Variants in PDZD2 observed in about 807,000 individuals in gnomAD.
The protein encoded by PDZD2 is PDZ domain containing 2.
In PDZD2, 90 loss-of-function variants were observed where a neutral mutation model predicts 220.7. The observed-to-expected ratio is 0.41, with a 90% CI of 0.34 to 0.49. PDZD2 has a LOEUF of 0.49. PDZD2 is among the 20% of genes least tolerant of loss of function. The pLI is 0.28. For missense variants in PDZD2, 3,174 were observed against 3,608.5 expected, an observed-to-expected ratio of 0.88 and a Z score of 3.08; for synonymous variants, 1,375 against 1,450.5, an observed-to-expected ratio of 0.95 and a Z score of 1.18.
intron 1 of PDZD2, among the ~76,000 whole-genome samples, chr5:31,707,604 C>A (rs539855804): frequency 6.6e-6 from 1 of 152,200 alleles, no homozygotes; most frequent in South Asian, 2.1e-4. Context: ...AAAGATAGAG[C>A]CACACCCACG....
intron 2 of PDZD2, among the ~76,000 whole-genome samples, chr5:31,908,096 A>G (rs1581049484): frequency 7.0e-6 from 1 of 142,740 alleles, no homozygotes; most frequent in East Asian, 1.9e-4. Context: ...AAAAAAAAAA[A>G]AAAAAAAAAA....
chr5:31,836,193 A>G (rs1024593632), intron 2 of PDZD2, among the ~76,000 whole-genome samples: 1 of 147,674 alleles, frequency 6.8e-6, no homozygotes, highest in Non-Finnish European at 1.5e-5. Flanking sequence ...GCTTGTTTCA[A>G]TGTTTTCTCT....
chr5:31,818,820 ATTTT>A (rs1443487297), intron 2 of PDZD2, among the ~76,000 whole-genome samples: 1 of 152,132 alleles, frequency 6.6e-6, no homozygotes, highest in African/African-American at 2.4e-5. Context: ...CATTAATTTA[ATTTT>A]TTTATGTTAA....
chr5:31,984,837 AAAG>A, intron 3 of PDZD2, among the ~76,000 whole-genome samples: 1 of 152,294 alleles, frequency 6.6e-6, no homozygotes, highest in East Asian at 1.9e-4. Flanking sequence ...CAAAACAAGA[AAAG>A]AAGTATCAAG....
intron 1 of PDZD2, among the ~76,000 whole-genome samples, chr5:31,641,020 T>C (rs1744928959): frequency 1.3e-5 from 2 of 152,342 alleles, no homozygotes; most frequent in South Asian, 4.1e-4. Flanking sequence ...TGATTTTGCA[T>C]GTACTTTATG....
intron 6 of PDZD2, among the ~76,000 whole-genome samples, chr5:32,019,549 A>G (rs1180437105): frequency 6.6e-6 from 1 of 152,214 alleles, no homozygotes; most frequent in Non-Finnish European, 1.5e-5. Flanking sequence ...GGGGTGTGGA[A>G]GGAAAATAGT....
chr5:32,050,080 G>A (rs905894010), intron 8 of PDZD2, among the ~76,000 whole-genome samples: 1 of 152,184 alleles, frequency 6.6e-6, no homozygotes, highest in African/African-American at 2.4e-5. Context: ...ACAGGTGTGT[G>A]CCACCACACC....
intron 2 of PDZD2, among the ~76,000 whole-genome samples, chr5:31,819,690 T>G (rs1017196760): frequency 1.3e-5 from 2 of 150,078 alleles, no homozygotes; most frequent in Non-Finnish European, 3.0e-5. Flanking sequence ...TGCAATACAT[T>G]TTATGTTCAT....
At chr5:31,707,319 T>A (rs866340657) in intron 1 of PDZD2, among the ~76,000 whole-genome samples, 2,099 of 151,420 alleles carry the variant, frequency 0.014, 28 homozygotes, top group African/African-American at 0.033. Context: ...ATTAATTAAT[T>A]AATTAATTAA....
chr5:32,093,018 A>C lies in PDZD2; in HGVS notation c.7839A>C (p.Gln2613His), dbSNP rs143037464. ...CTCTCATTCAGGAAGCGAAAGCACA[A>C]TCAGAGGTGAGTGAAACACAGAAAG... ...ILTLIQEAKA[Q>H]SENEEDVCFI... The change falls in exon 21 of 25, where the codon CAA becomes CAC. Residue 2613 changes from glutamine to histidine, a missense_variant. By Grantham distance (24) the Gln-to-His change is conservative (BLOSUM62 0). This residue lies in a region of PDZD2 where 631 missense variants were observed against 789.9 expected (regional missense o/e 0.80). Coordinates refer to ENST00000438447, the MANE Select transcript of PDZD2 (RefSeq NM_178140.4). 1.3e-6 allele frequency: 2 copies of C among 1,495,178 alleles called. No individual in the cohort carries two copies. Among genetic ancestry groups the C allele is most frequent in the Non-Finnish European group, 1.9e-6 (2 of 1,072,504 alleles). The allele number at this position is 1,495,178 out of a possible 1,614,324, so 92.6% of individuals were successfully genotyped here.
chr5:31,805,799 G>A (rs1357659188), intron 2 of PDZD2, among the ~76,000 whole-genome samples: 1 of 152,158 alleles, frequency 6.6e-6, no homozygotes, highest in Non-Finnish European at 1.5e-5. Flanking sequence ...TAGTGGAGTA[G>A]GTTGGCCCCT....
chr5:31,955,318 C>T (rs13157828), intron 2 of PDZD2, among the ~76,000 whole-genome samples: 145,324 of 151,836 alleles, frequency 0.96, 69,587 homozygotes, highest in African/African-American at 0.99. Flanking sequence ...TTTGTTTTTT[C>T]GAGACGAAGT....
chr5:31,806,767 C>A (rs1754737616), intron 2 of PDZD2, among the ~76,000 whole-genome samples: 1 of 152,096 alleles, frequency 6.6e-6, no homozygotes, highest in Non-Finnish European at 1.5e-5. Context: ...TATAAGTAAA[C>A]CAGATCTGTT....
intron 1 of PDZD2, among the ~76,000 whole-genome samples, chr5:31,709,210 T>A (rs1486245675): frequency 2.0e-5 from 3 of 152,112 alleles, no homozygotes; most frequent in African/African-American, 7.2e-5. Context: ...TTAAAGATTA[T>A]AATAATAAGG....
intron 4 of PDZD2, among the ~76,000 whole-genome samples, chr5:31,999,468 G>A (rs1751926287): frequency 6.6e-6 from 1 of 151,972 alleles, no homozygotes; most frequent in Admixed American, 6.6e-5. Context: ...AGCCAGGATT[G>A]TGCCACTCCA....
intron 5 of PDZD2, among the ~76,000 whole-genome samples, chr5:32,002,648 C>CCCCACATACTACACACACACA (rs1752248832): frequency 1.4e-5 from 1 of 70,130 alleles, no homozygotes; most frequent in African/African-American, 5.0e-5. Context: ...ACACACACAC[C>CCCCACATACTACACACACACA]CCACATACTA....
intron 1 of PDZD2, among the ~76,000 whole-genome samples, chr5:31,769,457 A>G (rs1452679184): frequency 2.6e-5 from 4 of 152,220 alleles, no homozygotes; most frequent in African/African-American, 9.6e-5. Flanking sequence ...TGGGATTTCA[A>G]TGTCGGGAAA....
intron 2 of PDZD2, among the ~76,000 whole-genome samples, chr5:31,836,151 T>C (rs1291126967): frequency 1.3e-5 from 2 of 151,880 alleles, no homozygotes; most frequent in Non-Finnish European, 2.9e-5. Context: ...GTATCTTTAT[T>C]AAAAAACAGC....
chr5:31,929,791 T>A (rs530749161), intron 2 of PDZD2, among the ~76,000 whole-genome samples: 5 of 151,876 alleles, frequency 3.3e-5, no homozygotes, highest in African/African-American at 1.2e-4. Flanking sequence ...TATCTGTGGG[T>A]TTCATGATGC....
Sources: allele counts gnomAD v4.1 joint callset (sites outside exome capture counted in the v4.1 genomes callset), GRCh38; gene constraint gnomAD v4.1.1; regional missense constraint gnomAD v4.1.1; transcripts MANE v1.5; gene names NCBI Gene and HGNC (gene_info 2026-07-23, HGNC 2026-07-21).